The following CNNM2 variants were observed in gnomAD, a reference collection of about 807,000 sequenced individuals.
CNNM2 encodes cyclin and CBS domain divalent metal cation transport mediator 2.
In CNNM2, 12 loss-of-function variants were observed where a neutral mutation model predicts 66.9. The observed-to-expected ratio is 0.18, with a 90% CI of 0.11 to 0.29. The LOEUF (loss-of-function observed/expected upper bound fraction) is 0.29, where lower values mean the gene tolerates loss of function less well. Among genes scored for constraint, CNNM2 ranks in the 10% least tolerant of loss-of-function variants. The pLI is 1.00. For synonymous variants in CNNM2, 557 were observed against 501.8 expected, an observed-to-expected ratio of 1.11 and a Z score of -1.47; for missense variants, 705 against 1,167.7, an observed-to-expected ratio of 0.60 and a Z score of 5.77.
chr10:102,918,321 C>T lies in CNNM2; in HGVS notation c.-160C>T, dbSNP rs923383794. 2 of 1,261,914 alleles carry T rather than the reference C, an allele frequency of 1.6e-6. No individual in the cohort carries two copies. Among genetic ancestry groups the T allele is most frequent in the Non-Finnish European group, 2.1e-6 (2 of 954,884 alleles). The allele number at this position is 1,261,914 out of a possible 1,614,324, so 78.2% of individuals were successfully genotyped here. ...CTCCCTCTTTCCCTCCCGCGAGCCT[C>T]GGGGTTCCTCAGCTGGCTGAGGTGG... On this transcript the variant is annotated 5_prime_UTR_variant, in exon 1 of 8. Transcript: ENST00000369878. The surrounding 1 kb of genome is among the most constrained non-coding windows in gnomAD (Gnocchi z 4.1).
intron 3 of CNNM2, among the ~76,000 whole-genome samples, chr10:103,056,376 C>T (rs1011361158): frequency 1.3e-5 from 2 of 152,100 alleles, no homozygotes; most frequent in Admixed American, 1.3e-4. Context: ...AGACGTGGGG[C>T]ACCTGTGTGT....
chr10:102,977,573 C>G (rs2063655625), intron 1 of CNNM2, among the ~76,000 whole-genome samples: 1 of 152,144 alleles, frequency 6.6e-6, no homozygotes, highest in Non-Finnish European at 1.5e-5. Flanking sequence ...ATAATCCCAG[C>G]ACTTTGGGAG....
At chr10:103,006,840 C>T (rs1461279190) in intron 1 of CNNM2, among the ~76,000 whole-genome samples, 5 of 152,052 alleles carry the variant, frequency 3.3e-5, no homozygotes, top group Non-Finnish European at 7.4e-5. Context: ...GCTATGTTGC[C>T]CAGGCTGGTC....
At chr10:102,981,841 T>C (rs980543618) in intron 1 of CNNM2, among the ~76,000 whole-genome samples, 2 of 151,692 alleles carry the variant, frequency 1.3e-5, no homozygotes, top group Middle Eastern at 3.2e-3. Flanking sequence ...GCTCTGCTGA[T>C]CTCGAGGGTT....
intron 4 of CNNM2, among the ~76,000 whole-genome samples, chr10:103,057,422 CA>C (rs2065313670): frequency 6.6e-6 from 1 of 151,210 alleles, no homozygotes; most frequent in African/African-American, 2.4e-5. Flanking sequence ...GCCATGTTTG[CA>C]CCACTGCACT....
chr10:102,929,237 C>A (rs547056395), intron 1 of CNNM2, among the ~76,000 whole-genome samples: 1 of 152,042 alleles, frequency 6.6e-6, no homozygotes, highest in Non-Finnish European at 1.5e-5. Flanking sequence ...TCCGCCTGTG[C>A]GACAGAGCGA....
At position 102,949,306 on chromosome 10, in the gene CNNM2, G is replaced by A. The variant is rs142772276; in HGVS notation, c.1621+29205G>A. 0.03 allele frequency among the ~76,000 whole-genome samples: 4,549 copies of A among 152,160 alleles called. 99 individuals are homozygous for A. Among genetic ancestry groups the A allele is most frequent in the Non-Finnish European group, 0.044 (2,991 of 67,986 alleles). On this transcript the variant is annotated intron_variant, in intron 1 of 7. Coordinates refer to ENST00000369878, the MANE Select transcript of CNNM2 (RefSeq NM_017649.5). The stretch of plus-strand genomic sequence containing the variant: ...TTCTCCTGCCTCAGCCTCCTGAGGA[G>A]CTGGGATTACAGGCACATGCCACCA...
intron 1 of CNNM2, among the ~76,000 whole-genome samples, chr10:102,945,031 A>G (rs972033880): frequency 6.6e-6 from 1 of 151,182 alleles, no homozygotes; most frequent in Non-Finnish European, 1.5e-5. Context: ...TCTTCCCTTA[A>G]TAATTAACAA....
intron 4 of CNNM2, among the ~76,000 whole-genome samples, chr10:103,060,981 T>C (rs2065376173): frequency 2.0e-5 from 3 of 152,188 alleles, no homozygotes; most frequent in South Asian, 4.1e-4. Context: ...GTAAATACCA[T>C]AGAGGTGGTC....
At chr10:103,026,542 A>G (rs553514475) in intron 1 of CNNM2, among the ~76,000 whole-genome samples, 1 of 142,648 alleles carries the variant, frequency 7.0e-6, no homozygotes, top group South Asian at 2.3e-4. Flanking sequence ...TCAAGGTTGC[A>G]GTGAGCTGTG....
Position 103,089,726 on chromosome 10 carries a change from A to G in CNNM2, c.*12546A>G. On this transcript the variant is annotated 3_prime_UTR_variant, in exon 8 of 8. Coordinates refer to ENST00000369878, the MANE Select transcript of CNNM2 (RefSeq NM_017649.5). Reference sequence around the variant, plus strand: ...CATCATCTTCGTCATGGCAGTGTGTAATTTCCTGGGGGGCCAGTGGGAAGA... The same window carrying G: ...CATCATCTTCGTCATGGCAGTGTGTGATTTCCTGGGGGGCCAGTGGGAAGA... 1.2e-6 allele frequency: 2 copies of G among 1,613,314 alleles called. No individual in the cohort carries two copies. Among genetic ancestry groups the G allele is most frequent in the Non-Finnish European group, 1.7e-6 (2 of 1,179,748 alleles).
intron 4 of CNNM2, among the ~76,000 whole-genome samples, chr10:103,067,809 G>A (rs569771207): frequency 3.9e-4 from 60 of 152,328 alleles, no homozygotes; most frequent in African/African-American, 1.3e-3. Context: ...ATCTTAGGGG[G>A]AGGAGAGGGG....
chr10:103,033,849 G>A (rs1394363349), intron 1 of CNNM2, among the ~76,000 whole-genome samples: 8 of 152,170 alleles, frequency 5.3e-5, no homozygotes, highest in Non-Finnish European at 8.8e-5. Flanking sequence ...TAGGAATTAT[G>A]AAGGAATCTA....
intron 1 of CNNM2, among the ~76,000 whole-genome samples, chr10:102,942,701 A>G (rs1590284425): frequency 6.6e-6 from 1 of 152,242 alleles, no homozygotes; most frequent in Non-Finnish European, 1.5e-5. Flanking sequence ...TAGGTCATAT[A>G]GTAATTCTAT....
intron 1 of CNNM2, among the ~76,000 whole-genome samples, chr10:102,956,649 G>A (rs994194562): frequency 6.6e-6 from 1 of 152,186 alleles, no homozygotes; most frequent in Non-Finnish European, 1.5e-5. Context: ...CATAAAAAAG[G>A]ATGAGTGCAT....
chr10:103,051,915 C>T (rs1331862511), intron 2 of CNNM2, among the ~76,000 whole-genome samples: 1 of 152,144 alleles, frequency 6.6e-6, no homozygotes, highest in East Asian at 1.9e-4. Flanking sequence ...GGAGGGTCGT[C>T]AGAGGTCTCA....
intron 1 of CNNM2, among the ~76,000 whole-genome samples, chr10:102,994,217 G>C (rs573762142): frequency 6.6e-6 from 1 of 152,298 alleles, no homozygotes; most frequent in South Asian, 2.1e-4. Context: ...GATTACAGGC[G>C]TGAGCTACCG....
At chr10:103,039,716 T>G (rs1320244736) in intron 1 of CNNM2, among the ~76,000 whole-genome samples, 1 of 152,010 alleles carries the variant, frequency 6.6e-6, no homozygotes, top group Non-Finnish European at 1.5e-5. Context: ...GGGTTGTGTG[T>G]GTTAGGGCAG....
At chr10:103,057,481 G>A (rs892427711) in intron 4 of CNNM2, among the ~76,000 whole-genome samples, 1 of 151,180 alleles carries the variant, frequency 6.6e-6, no homozygotes, top group Non-Finnish European at 1.5e-5. Flanking sequence ...AAAAAAAAAA[G>A]TTGGGGGGAT....
Sources: allele counts gnomAD v4.1 joint callset (sites outside exome capture counted in the v4.1 genomes callset), GRCh38; gene constraint gnomAD v4.1.1; non-coding constraint Gnocchi (gnomAD v3.1); transcripts MANE v1.5; gene names NCBI Gene and HGNC (gene_info 2026-07-23, HGNC 2026-07-21).